Variants in MRTFA observed in about 807,000 individuals in gnomAD.
The protein encoded by MRTFA is myocardin-related transcription factor A.
MRTFA carries 20 observed loss-of-function variants against 83.5 expected under a neutral mutation model. The ratio of observed to expected loss-of-function variants is 0.24; its 90% CI spans 0.17 to 0.35. MRTFA has a LOEUF of 0.35. Among genes scored for constraint, MRTFA ranks in the 10% least tolerant of loss-of-function variants. The pLI is 1.00. For missense variants in MRTFA, 1,200 were observed against 1,224.7 expected (o/e 0.98, Z 0.30); for synonymous variants, 659 against 541.2 (o/e 1.22, Z -3.02).
intron 3 of MRTFA, among the ~76,000 whole-genome samples, chr22:40,488,557 A>T (rs1336022784): frequency 6.6e-6 from 1 of 151,878 alleles, no homozygotes; most frequent in Non-Finnish European, 1.5e-5. Flanking sequence ...AGCCGGGTGC[A>T]GTGGCTCATG....
rs78979452 is a variant in MRTFA at position 40,630,489 on chromosome 22, C to T, written c.-84+5989G>A. On this transcript the variant is annotated intron_variant, in intron 1 of 14. Transcript: ENST00000355630. ...GTTGTACAAAATCAGAGATTTCAGA[C>T]TTCAACTTGGAGAAAGCTGAATCCA... Among the ~76,000 whole-genome samples the T allele has an allele frequency of 9.2e-3, 1,405 of 152,266 alleles. 25 individuals are homozygous for T. The highest frequency in any genetic ancestry group is 0.033 in the African/African-American group (1,353 of 41,542).
chr22:40,523,354 T>C (rs779800075), intron 3 of MRTFA: 2 of 152,226 alleles, frequency 1.3e-5, no homozygotes, highest in Non-Finnish European at 2.9e-5. Context: ...GACAATCTTT[T>C]TTTTGAGATA....
intron 3 of MRTFA, among the ~76,000 whole-genome samples, chr22:40,488,890 TG>T (rs2054218963): frequency 6.6e-6 from 1 of 152,120 alleles, no homozygotes. Context: ...CAAATCTCAA[TG>T]GGTACATTTG....
chr22:40,502,504 G>A (rs1424569007), intron 3 of MRTFA, among the ~76,000 whole-genome samples: 1 of 142,894 alleles, frequency 7.0e-6, no homozygotes, highest in Non-Finnish European at 1.5e-5. Context: ...AGATGTGATG[G>A]CGGCTGCGCT....
At chr22:40,432,328 T>C (rs569775584) in intron 5 of MRTFA, among the ~76,000 whole-genome samples, 1 of 152,134 alleles carries the variant, frequency 6.6e-6, no homozygotes, top group African/African-American at 2.4e-5. Flanking sequence ...GCATTTTCCA[T>C]TCATTTTGAA....
chr22:40,526,017 C>CT (rs879551118), intron 3 of MRTFA, among the ~76,000 whole-genome samples: 166 of 143,708 alleles, frequency 1.2e-3, no homozygotes, highest in South Asian at 1.8e-3. Context: ...AAAAAAGTAA[C>CT]TTTTTTTTTT....
chr22:40,467,438 G>A (rs1266357062), intron 3 of MRTFA, among the ~76,000 whole-genome samples: 1 of 151,764 alleles, frequency 6.6e-6, no homozygotes, highest in Non-Finnish European at 1.5e-5. Flanking sequence ...TGTTTCCTTG[G>A]TCTATTAATT....
At chr22:40,603,201 G>A (rs1483043170) in intron 1 of MRTFA, among the ~76,000 whole-genome samples, 1 of 152,116 alleles carries the variant, frequency 6.6e-6, no homozygotes, top group Non-Finnish European at 1.5e-5. Flanking sequence ...CTAGCTCCGA[G>A]GCTTCTGACA....
intron 1 of MRTFA, among the ~76,000 whole-genome samples, chr22:40,626,454 G>C (rs563920311): frequency 2.4e-4 from 36 of 152,094 alleles, no homozygotes; most frequent in African/African-American, 8.4e-4. Flanking sequence ...CGCCGCGCCC[G>C]GTTATTTTTT....
chr22:40,608,490 G>A (rs2056345477), intron 1 of MRTFA, among the ~76,000 whole-genome samples: 2 of 152,134 alleles, frequency 1.3e-5, no homozygotes, highest in Admixed American at 1.3e-4. Context: ...GCCACTTATG[G>A]GATAATTACA....
chr22:40,491,294 A>G (rs59254189), intron 3 of MRTFA, among the ~76,000 whole-genome samples: 3,024 of 152,182 alleles, frequency 0.02, 90 homozygotes, highest in African/African-American at 0.068. Context: ...GTGAGCCATG[A>G]TTGAGCCACT....
intron 2 of MRTFA, among the ~76,000 whole-genome samples, chr22:40,583,328 C>G (rs2055978093): frequency 6.6e-6 from 1 of 152,272 alleles, no homozygotes; most frequent in South Asian, 2.1e-4. Context: ...GCAGTCAGAA[C>G]TTTGGTAACC....
intron 5 of MRTFA, among the ~76,000 whole-genome samples, chr22:40,432,907 G>A (rs974003504): frequency 3.3e-5 from 5 of 152,146 alleles, no homozygotes; most frequent in African/African-American, 1.2e-4. Flanking sequence ...AGATGACAGT[G>A]GAAGACTTAT....
At chr22:40,428,592 C>A (rs569393944) in intron 7 of MRTFA, among the ~76,000 whole-genome samples, 1 of 152,156 alleles carries the variant, frequency 6.6e-6, no homozygotes, top group Admixed American at 6.5e-5. Flanking sequence ...TAGCTCACTA[C>A]GGCCTTGAAC....
rs1341120445 is a variant in MRTFA, at chr22:40,419,062, T to C, written c.1676A>G (p.Glu559Gly). 1 of 1,609,690 alleles carries C rather than the reference T, an allele frequency of 6.2e-7. No homozygotes were observed. The highest frequency in any genetic ancestry group is 8.5e-7 in the Non-Finnish European group (1 of 1,178,692). Residue 559 changes from glutamate to glycine, a missense_variant, in exon 12 of 15, where the codon GAG becomes GGG. This residue lies in a region of MRTFA where 1,107 missense variants were observed against 1,041.8 expected (regional missense o/e 1.06). Coordinates refer to ENST00000355630, the MANE Select transcript of MRTFA (RefSeq NM_020831.6). Reference sequence around the variant, plus strand: ...ATCGCCCGTGCTGAGCAGTGAGCGCTCCGAGGGGGTGGGAGACACGGGGGG... The same window carrying C: ...ATCGCCCGTGCTGAGCAGTGAGCGCCCCGAGGGGGTGGGAGACACGGGGGG...
intron 1 of MRTFA, among the ~76,000 whole-genome samples, chr22:40,620,810 C>T (rs139639916): frequency 2.0e-5 from 3 of 152,108 alleles, no homozygotes; most frequent in African/African-American, 7.2e-5. Context: ...CATAGGAGAC[C>T]CACAAGGTTT....
chr22:40,457,298 G>A (rs967263205), intron 4 of MRTFA, among the ~76,000 whole-genome samples: 1 of 151,994 alleles, frequency 6.6e-6, no homozygotes, highest in Non-Finnish European at 1.5e-5. Flanking sequence ...CCAGGAGGCG[G>A]AGGTTGCAGT....
At position 40,418,595 on chromosome 22, in the gene MRTFA, C is replaced by T. The variant is rs781648732; in HGVS notation, c.2143G>A (p.Ala715Thr). 4 of 1,545,784 alleles carry T rather than the reference C, an allele frequency of 2.6e-6. No individual in the cohort carries two copies. Among genetic ancestry groups the T allele is most frequent in the Non-Finnish European group, 3.5e-6 (4 of 1,152,910 alleles). The change falls in exon 12 of 15, where the codon GCC becomes ACC. Residue 715 changes from alanine to threonine, a missense_variant. By Grantham distance (58) the Ala-to-Thr change is moderately conservative. Coordinates refer to ENST00000355630, the MANE Select transcript of MRTFA (RefSeq NM_020831.6). ...ACCACCACGGACGGGGGCCCCGGGG[C>T]CACAGCACAAGGGTCTATGTGGTTG...
At chr22:40,522,460 C>T (rs1311785629) in intron 3 of MRTFA, 1 of 152,174 alleles carries the variant, frequency 6.6e-6, no homozygotes, top group East Asian at 1.9e-4. Flanking sequence ...GAAAGTGAGC[C>T]TTATCATTTT....
Sources: allele counts gnomAD v4.1 joint callset (sites outside exome capture counted in the v4.1 genomes callset), GRCh38; gene constraint gnomAD v4.1.1; regional missense constraint gnomAD v4.1.1; transcripts MANE v1.5; gene names NCBI Gene and HGNC (gene_info 2026-07-23, HGNC 2026-07-21).